Variants in RGS21 observed in about 807,000 individuals in gnomAD.
The protein encoded by RGS21 is regulator of G-protein signalling 21.
RGS21 carries 19 observed loss-of-function variants against 18.7 expected under a neutral mutation model. The ratio of observed to expected loss-of-function variants is 1.01; its 90% confidence interval spans 0.71 to 1.49. The LOEUF (loss-of-function observed/expected upper bound fraction) is 1.49, where lower values mean the gene tolerates loss of function less well. Among genes scored for constraint, RGS21 ranks in the 40% most tolerant of loss-of-function variants. The pLI, the probability that RGS21 is intolerant of heterozygous loss-of-function variation, is 0.00. For missense variants in RGS21, 194 were observed against 176.8 expected (o/e 1.10, Z -0.55); for synonymous variants, 56 against 57.8 (o/e 0.97, Z 0.14).
chr1:192,347,735 C>T (rs1658975770), intron 3 of RGS21, among the ~76,000 whole-genome samples: 1 of 152,146 alleles, frequency 6.6e-6, no homozygotes, highest in African/African-American at 2.4e-5. Context: ...TCTCAGCTCA[C>T]TGCAAACTCC....
chr1:192,345,085 T>C (rs898449315), intron 2 of RGS21, among the ~76,000 whole-genome samples: 4 of 152,104 alleles, frequency 2.6e-5, no homozygotes, highest in Admixed American at 2.0e-4. Context: ...TCTACATTAA[T>C]GAAGATGATA....
intron 1 of RGS21, among the ~76,000 whole-genome samples, chr1:192,321,788 T>C (rs572210743): frequency 2.0e-5 from 3 of 152,186 alleles, no homozygotes; most frequent in Non-Finnish European, 2.9e-5. Flanking sequence ...GAAGAGAATA[T>C]GATATTTGAG....
intron 2 of RGS21, among the ~76,000 whole-genome samples, chr1:192,345,588 A>T (rs1557978679): frequency 6.6e-6 from 1 of 152,082 alleles, no homozygotes; most frequent in Admixed American, 6.6e-5. Flanking sequence ...TACTAATGGG[A>T]ATATAAATGT....
chr1:192,325,578 A>G (rs1316805729), intron 1 of RGS21, among the ~76,000 whole-genome samples: 3 of 152,104 alleles, frequency 2.0e-5, no homozygotes, highest in Non-Finnish European at 4.4e-5. Flanking sequence ...CCACCAGTGT[A>G]TAAGTGTTCC....
intron 1 of RGS21, among the ~76,000 whole-genome samples, chr1:192,327,558 C>T (rs1367457764): frequency 2.6e-5 from 4 of 152,066 alleles, no homozygotes; most frequent in African/African-American, 9.6e-5. Flanking sequence ...CTGCAACCTT[C>T]ACCTCCTAAA....
At position 192,326,163 on chromosome 1, in the gene RGS21, T is replaced by C. The variant is rs113067441; in HGVS notation, c.-61+9058T>C. On this transcript the variant is annotated intron_variant, in intron 1 of 4. Transcript: ENST00000417209. ...CAAATCTAGGTAGCCTTTGTGGCAC[T>C]AGATTTGTAAAAAGGTTTGACATGA... Among the ~76,000 whole-genome samples the C allele has an allele frequency of 5.9e-3, 897 of 152,226 alleles. 11 individuals are homozygous for C. Among genetic ancestry groups the C allele is most frequent in the African/African-American group, 0.02 (829 of 41,574 alleles).
intron 4 of RGS21, among the ~76,000 whole-genome samples, chr1:192,365,714 C>T (rs1272283999): frequency 6.6e-6 from 1 of 152,040 alleles, no homozygotes; most frequent in Non-Finnish European, 1.5e-5. Flanking sequence ...ACCACTGTTT[C>T]CTGTCAATGC....
intron 4 of RGS21, among the ~76,000 whole-genome samples, chr1:192,359,651 G>GTATA (rs1448592098): frequency 2.4e-5 from 2 of 82,836 alleles, no homozygotes; most frequent in African/African-American, 1.1e-4. Context: ...ATATGTGTGT[G>GTATA]TGTGTATATA....
chr1:192,327,089 A>G (rs1328619687), intron 1 of RGS21, among the ~76,000 whole-genome samples: 1 of 152,212 alleles, frequency 6.6e-6, no homozygotes, highest in Non-Finnish European at 1.5e-5. Context: ...GTAGAAGCAC[A>G]TAAACTCTTT....
At chr1:192,364,144 G>C (rs1659223351) in intron 4 of RGS21, among the ~76,000 whole-genome samples, 1 of 152,092 alleles carries the variant, frequency 6.6e-6, no homozygotes, top group African/African-American at 2.4e-5. Context: ...GGACAGACTT[G>C]AAAAGGATCC....
At chr1:192,348,327 G>A (rs1279124251) in intron 3 of RGS21, among the ~76,000 whole-genome samples, 1 of 152,010 alleles carries the variant, frequency 6.6e-6, no homozygotes, top group Non-Finnish European at 1.5e-5. Flanking sequence ...CGCCCAGCTG[G>A]CCCACTATAA....
intron 4 of RGS21, among the ~76,000 whole-genome samples, chr1:192,355,261 G>A (rs966126237): frequency 2.0e-5 from 3 of 151,676 alleles, no homozygotes; most frequent in Admixed American, 6.6e-5. Flanking sequence ...ACATGAGATA[G>A]TGTGTCTAGG....
intron 4 of RGS21, among the ~76,000 whole-genome samples, chr1:192,364,203 A>T (rs1659223798): frequency 2.0e-5 from 3 of 152,082 alleles, no homozygotes; most frequent in South Asian, 4.2e-4. Context: ...ATAAATGGAC[A>T]ACTGATTCCA....
At chr1:192,323,435 C>T (rs977672552) in intron 1 of RGS21, among the ~76,000 whole-genome samples, 2 of 151,764 alleles carry the variant, frequency 1.3e-5, no homozygotes. Flanking sequence ...TTGTGATAGA[C>T]TAGTGAAAGT....
chr1:192,352,402 C>T (rs1017957300), intron 4 of RGS21, among the ~76,000 whole-genome samples, 189 bp downstream of exon 4: 14 of 151,802 alleles, frequency 9.2e-5, no homozygotes, highest in Non-Finnish European at 8.8e-5. Context: ...AAGTATTTTT[C>T]AACACTTATT....
intron 1 of RGS21, among the ~76,000 whole-genome samples, chr1:192,340,568 T>TA (rs1404158033): frequency 1.3e-5 from 2 of 152,126 alleles, no homozygotes; most frequent in Non-Finnish European, 2.9e-5. Flanking sequence ...ATTGCTGTTG[T>TA]AAAAAACTGC....
intron 1 of RGS21, among the ~76,000 whole-genome samples, chr1:192,340,366 A>C (rs1403263710): frequency 6.6e-6 from 1 of 152,152 alleles, no homozygotes; most frequent in Admixed American, 6.6e-5. Flanking sequence ...TAACTTTGTG[A>C]GATAGGTATT....
At chr1:192,359,435 T>C (rs890781565) in intron 4 of RGS21, among the ~76,000 whole-genome samples, 5 of 151,590 alleles carry the variant, frequency 3.3e-5, no homozygotes, top group African/African-American at 1.2e-4. Context: ...CCTGATGGAG[T>C]CCCACCTTCA....
At chr1:192,328,634 G>C (rs995946558) in intron 1 of RGS21, among the ~76,000 whole-genome samples, 3 of 152,128 alleles carry the variant, frequency 2.0e-5, no homozygotes, top group African/African-American at 7.2e-5. Flanking sequence ...GGTAAAGTGT[G>C]TCTAATGGGA....
Sources: gnomAD v4.1 joint callset for allele counts (sites outside exome capture counted in the v4.1 genomes callset) on GRCh38, gnomAD v4.1.1 for gene constraint, MANE v1.5 for transcripts, NCBI Gene and HGNC (gene_info 2026-07-23, HGNC 2026-07-21) for gene names.